AHDC1: variants seen among roughly 807,000 people sequenced by gnomAD.
The protein encoded by AHDC1 is transcription factor Gibbin.
In AHDC1, 7 loss-of-function variants were observed where a neutral mutation model predicts 87.9. That is an observed-to-expected ratio of 0.08 (90% CI 0.05 to 0.15). The LOEUF (loss-of-function observed/expected upper bound fraction) is 0.15. Ranked by LOEUF, AHDC1 falls within the 10% of genes least tolerant of loss-of-function variation. The pLI is 1.00. For synonymous variants in AHDC1, 1,051 were observed against 1,006.8 expected (o/e 1.04, Z -0.83); for missense variants, 1,841 against 2,253.2 (o/e 0.82, Z 3.70).
At chr1:27,539,733 C>T (rs1275092574) in intron 8 of AHDC1, among the ~76,000 whole-genome samples, 1 of 152,132 alleles carries the variant, frequency 6.6e-6, no homozygotes, top group African/African-American at 2.4e-5. Context: ...CGTGAGCCAC[C>T]GCACCCGGCC....
At chr1:27,538,540 G>A (rs1188787405) in intron 8 of AHDC1, among the ~76,000 whole-genome samples, 1 of 150,850 alleles carries the variant, frequency 6.6e-6, no homozygotes, top group African/African-American at 2.4e-5. Context: ...TTTGAGACAG[G>A]TTCTCACTCT....
chr1:27,574,565 C>G (rs955525150), intron 3 of AHDC1, among the ~76,000 whole-genome samples: 5 of 152,122 alleles, frequency 3.3e-5, no homozygotes, highest in Non-Finnish European at 5.9e-5. Flanking sequence ...ATAGGTGAAG[C>G]GTGCCTATCC....
intron 3 of AHDC1, among the ~76,000 whole-genome samples, chr1:27,599,370 C>T (rs149840652): frequency 6.6e-6 from 1 of 152,148 alleles, no homozygotes; most frequent in African/African-American, 2.4e-5. Flanking sequence ...TCGCCTCCCT[C>T]CCTCTCTCTC....
rs1571247371 is a variant in AHDC1 at position 27,552,149 on chromosome 1, G to A, written c.-34C>T. On this transcript the variant is annotated 5_prime_UTR_variant, in exon 8 of 9. Coordinates refer to ENST00000673934, the MANE Select transcript of AHDC1 (RefSeq NM_001371928.1). ...TGTCCTCCGCAGGCCGCCGGGCGGG[G>A]CCGGGGCTGACATGAGGGTGCGAGA... 4 of 1,437,218 alleles carry A rather than the reference G, an allele frequency of 2.8e-6. No individual in the cohort carries two copies. The highest frequency in any genetic ancestry group is 2.7e-6 in the Non-Finnish European group (3 of 1,097,136). The allele number at this position is 1,437,218 out of a possible 1,614,324, so 89.0% of individuals were successfully genotyped here. A position where few individuals can be genotyped will look rare whatever the true frequency, so the allele number is the denominator to read the frequency against.
At position 27,558,762 on chromosome 1, in the gene AHDC1, A is replaced by G. The variant is rs1296046906; in HGVS notation, c.-507T>C. 7.5e-6 allele frequency: 3 copies of G among 398,562 alleles called. No homozygotes were observed. The highest frequency in any genetic ancestry group is 4.4e-5 in the Admixed American group (1 of 22,724). 24.7% of individuals were successfully genotyped at this position (398,562 alleles called of 1,614,324 possible). A position where few individuals can be genotyped will look rare whatever the true frequency, so the allele number is the denominator to read the frequency against. ...GCAGGAAAGGCCTGTCTTCATCAGCATCTCCAGGGTGGTCTCTGCAACGGC... is the reference window on the plus strand; with the variant it reads ...GCAGGAAAGGCCTGTCTTCATCAGCGTCTCCAGGGTGGTCTCTGCAACGGC... On this transcript the variant is annotated 5_prime_UTR_variant, in exon 4 of 9. It removes an upstream start codon present in the reference 5' UTR. Coordinates refer to ENST00000673934, the MANE Select transcript of AHDC1 (RefSeq NM_001371928.1). The surrounding 1 kb of genome is among the most constrained non-coding windows in gnomAD (Gnocchi z 5.6).
chr1:27,570,039 T>A (rs1292837223), intron 3 of AHDC1, among the ~76,000 whole-genome samples: 1 of 152,040 alleles, frequency 6.6e-6, no homozygotes, highest in Non-Finnish European at 1.5e-5. Flanking sequence ...GAGTCCAGCC[T>A]TCACCTCCTG....
At chr1:27,545,552 T>C (rs1008658167) in intron 8 of AHDC1, among the ~76,000 whole-genome samples, 1 of 151,482 alleles carries the variant, frequency 6.6e-6, no homozygotes, top group African/African-American at 2.4e-5. Flanking sequence ...TTGGATTATT[T>C]CACATTTCTG....
rs1013373503 is a variant in AHDC1 at position 27,598,891 on chromosome 1, C to T, written c.-629+4506G>A. Among the ~76,000 whole-genome samples, 2 of 152,152 alleles carry T rather than the reference C, an allele frequency of 1.3e-5. No homozygotes were observed. Among genetic ancestry groups the T allele is most frequent in the East Asian group, 3.8e-4 (2 of 5,196 alleles). On this transcript the variant is annotated intron_variant, in intron 3 of 8. Transcript: ENST00000673934. The surrounding 1 kb of genome is among the most constrained non-coding windows in gnomAD (Gnocchi z 4.2). ...TACCTTGCACTGGTGACAGCGCCCC[C>T]GTCACAAAGCCAGCAGCTTCAGACA...
intron 3 of AHDC1, among the ~76,000 whole-genome samples, chr1:27,602,821 C>G (rs2148511943): frequency 6.6e-6 from 1 of 152,282 alleles, no homozygotes; most frequent in East Asian, 1.9e-4. Context: ...CGCCCCACAC[C>G]CCCTCCGGGT....
rs1394609801 is a variant in AHDC1, at chr1:27,547,827, T to C, written c.4289A>G (p.Gln1430Arg). The change falls in exon 8 of 9, where the codon CAG becomes CGG. Residue 1430 changes from glutamine (Q) to arginine (R), a missense_variant. By Grantham distance (43) the Gln-to-Arg change is conservative. Transcript: ENST00000673934. This position sits in a 1 kb window ranked among gnomAD's most constrained non-coding sequence, Gnocchi z 4.9. ...AGCTGCGTGGCCCAGGCTGGCCCCC[T>C]GGAGTCCATGCTTGAGGGGCTCGCA... ...AACEPLKHGL[Q>R]GASLGHAAAA... The C allele has an allele frequency of 1.9e-6, 3 of 1,550,290 alleles. No homozygotes were observed. Among genetic ancestry groups the C allele is most frequent in the Admixed American group, 1.9e-5 (1 of 53,550 alleles).
chr1:27,547,033 C>T lies in AHDC1; in HGVS notation c.*43+228G>A, dbSNP rs1224323151. Among the ~76,000 whole-genome samples, 1 of 151,884 alleles carries T rather than the reference C, an allele frequency of 6.6e-6. No individual in the cohort carries two copies. Among genetic ancestry groups the T allele is most frequent in the African/African-American group, 2.4e-5 (1 of 41,310 alleles). ...GGCCATTTCAATTCACAAGACCCCC[C>T]CGAACGTTCAAGCCCCCTGCTGAGT... is the stretch of plus-strand genomic sequence containing the variant. On this transcript the variant is annotated intron_variant, in intron 8 of 8. Coordinates refer to ENST00000673934, the MANE Select transcript of AHDC1 (RefSeq NM_001371928.1). The surrounding 1 kb of genome is among the most constrained non-coding windows in gnomAD (Gnocchi z 4.9).
In AHDC1 at chr1:27,547,160, C is replaced by A. The variant is rs1028024072; in HGVS notation, c.*43+101G>T. ...TCCCCAGCCTTGCCCTTAAATCCTG[C>A]ATTTGCTTCCTGCACTCCATACCTC... On this transcript the variant is annotated intron_variant, in intron 8 of 8. Transcript: ENST00000673934. This position sits in a 1 kb window ranked among gnomAD's most constrained non-coding sequence, Gnocchi z 4.9. 14 of 816,426 alleles carry A rather than the reference C, an allele frequency of 1.7e-5. No homozygotes were observed. Among genetic ancestry groups the A allele is most frequent in the Non-Finnish European group, 2.2e-5 (12 of 541,684 alleles). The allele number at this position is 816,426 out of a possible 1,614,324, so 50.6% of individuals were successfully genotyped here. A position where few individuals can be genotyped will look rare whatever the true frequency, so the allele number is the denominator to read the frequency against.
intron 8 of AHDC1, among the ~76,000 whole-genome samples, chr1:27,544,411 G>A (rs989378579): frequency 2.6e-5 from 4 of 152,140 alleles, no homozygotes; most frequent in Non-Finnish European, 5.9e-5. Context: ...GTTTCCTGGG[G>A]TGGAGGCTGA....
Position 27,590,344 on chromosome 1 carries a change from G to A in AHDC1, c.-629+13053C>T, listed in dbSNP as rs1217602393. On this transcript the variant is annotated intron_variant, in intron 3 of 8. Coordinates refer to ENST00000673934, the MANE Select transcript of AHDC1 (RefSeq NM_001371928.1). This position sits in a 1 kb window ranked among gnomAD's most constrained non-coding sequence, Gnocchi z 5.4. Reference sequence around the variant, plus strand: ...ACTGTTTGCCTGGGCCTGTGGGAAGGCCAGACCCTTCCAGGCCCACACCTC... The same window carrying A: ...ACTGTTTGCCTGGGCCTGTGGGAAGACCAGACCCTTCCAGGCCCACACCTC... Among the ~76,000 whole-genome samples, 1 of 152,164 alleles carries A rather than the reference G, an allele frequency of 6.6e-6. No individual in the cohort carries two copies. The highest frequency in any genetic ancestry group is 1.5e-5 in the Non-Finnish European group (1 of 68,014).
intron 3 of AHDC1, among the ~76,000 whole-genome samples, chr1:27,569,938 G>C (rs2020496125): frequency 6.6e-6 from 1 of 152,198 alleles, no homozygotes; most frequent in Non-Finnish European, 1.5e-5. Context: ...TCTGGCTAGG[G>C]AGAAGGATCG....
intron 8 of AHDC1, among the ~76,000 whole-genome samples, chr1:27,538,400 CAA>C (rs370786800): frequency 1.6e-4 from 10 of 60,692 alleles, no homozygotes; most frequent in African/African-American, 2.1e-4. Flanking sequence ...AAGACTGTCT[CAA>C]AAAAAAAAAA....
chr1:27,549,218 G>C lies in AHDC1; in HGVS notation c.2898C>G (p.Thr966=), dbSNP rs1014044758. Reference sequence around the variant, plus strand: ...CATAGCCGCCGTACTGGGGCAGGTAGGTGTTGGCAGGCGGGTGGGTGGTAG... The same window carrying C: ...CATAGCCGCCGTACTGGGGCAGGTACGTGTTGGCAGGCGGGTGGGTGGTAG... ...RSPTTHPPAN[T]YLPQYGGYGA... Residue 966 remains threonine (T), a synonymous_variant, in exon 8 of 9, where the codon ACC becomes ACG. Coordinates refer to ENST00000673934, the MANE Select transcript of AHDC1 (RefSeq NM_001371928.1). The C allele has an allele frequency of 4.4e-6, 7 of 1,603,228 alleles. No homozygotes were observed. Among genetic ancestry groups the C allele is most frequent in the Non-Finnish European group, 8.5e-7 (1 of 1,174,516 alleles).
At position 27,559,217 on chromosome 1, in the gene AHDC1, A is replaced by AT. The variant is rs537614770; in HGVS notation, c.-628-335dup. Among the ~76,000 whole-genome samples, 1,238 of 148,864 alleles carry AT rather than the reference A, an allele frequency of 8.3e-3. 19 individuals are homozygous for AT. The highest frequency in any genetic ancestry group is 0.03 in the Admixed American group (454 of 14,940). On this transcript the variant is annotated intron_variant, in intron 3 of 8. Transcript: ENST00000673934. ...CAGGTATGCACCACCATGCCTGGCT[A>AT]TTTTTTTTTTAAATTTTTTGTAGGG...
chr1:27,558,635 G>C lies in AHDC1; in HGVS notation c.-451+71C>G. 2.5e-6 allele frequency: 1 copy of C among 398,152 alleles called. No individual in the cohort carries two copies. The highest frequency in any genetic ancestry group is 4.4e-6 in the Non-Finnish European group (1 of 226,004). The allele number at this position is 398,152 out of a possible 1,614,324, so 24.7% of individuals were successfully genotyped here. On this transcript the variant is annotated intron_variant, in intron 4 of 8. Transcript: ENST00000673934. This position sits in a 1 kb window ranked among gnomAD's most constrained non-coding sequence, Gnocchi z 5.6. ...GAGGGGATCCCTGTTGGGACTGGGA[G>C]GCAAGTTCCCCTGATCCCCACTTCC...
Sources: allele counts gnomAD v4.1 joint callset (sites outside exome capture counted in the v4.1 genomes callset), GRCh38; gene constraint gnomAD v4.1.1; non-coding constraint Gnocchi (gnomAD v3.1); transcripts MANE v1.5; gene names NCBI Gene and HGNC (gene_info 2026-07-23, HGNC 2026-07-21).